CSMD1: variants seen among roughly 807,000 people sequenced by gnomAD.
CSMD1 encodes CUB and sushi domain-containing protein 1.
A neutral mutation model predicts 417.5 loss-of-function variants in CSMD1; 213 were observed. The observed-to-expected ratio is 0.51, with a 90% CI of 0.46 to 0.57. The LOEUF (loss-of-function observed/expected upper bound fraction) is 0.57. Ranked by LOEUF, CSMD1 falls within the 20% of genes least tolerant of loss-of-function variation. The pLI, the probability that CSMD1 is intolerant of heterozygous loss-of-function variation, is 0.00. For synonymous variants in CSMD1, 2,862 were observed against 1,736.8 expected (o/e 1.65, Z -16.11); for missense variants, 6,923 against 4,529.7 (o/e 1.53, Z -15.17).
chr8:4,549,826 G>C (rs1386384127), intron 2 of CSMD1, among the ~76,000 whole-genome samples: 1 of 148,084 alleles, frequency 6.8e-6, no homozygotes, highest in Non-Finnish European at 1.5e-5. Flanking sequence ...CAGCCCAGGA[G>C]GCAGAGGTTG....
chr8:3,214,922 C>G (rs1797801390), intron 29 of CSMD1, among the ~76,000 whole-genome samples: 1 of 152,136 alleles, frequency 6.6e-6, no homozygotes, highest in Non-Finnish European at 1.5e-5. Context: ...TTAAAAACCA[C>G]ATTTTGCTAC....
intron 3 of CSMD1, among the ~76,000 whole-genome samples, chr8:4,253,707 G>C (rs1322426499): frequency 6.6e-6 from 1 of 151,214 alleles, no homozygotes; most frequent in Non-Finnish European, 1.5e-5. Context: ...TGCCAACTAA[G>C]TAATGCTTAA....
chr8:4,036,463 G>C (rs954198805), intron 3 of CSMD1, among the ~76,000 whole-genome samples: 6 of 152,100 alleles, frequency 3.9e-5, no homozygotes, highest in African/African-American at 9.7e-5. Context: ...CCCCAAGAAG[G>C]TGTCTGAAAA....
chr8:3,167,234 G>A (rs947841999), intron 37 of CSMD1, among the ~76,000 whole-genome samples: 19 of 146,740 alleles, frequency 1.3e-4, no homozygotes, highest in African/African-American at 4.3e-4. Context: ...GCAGTGAGCC[G>A]AGATCGCACA....
At chr8:4,888,738 G>C (rs989485917) in intron 1 of CSMD1, among the ~76,000 whole-genome samples, 31 of 152,036 alleles carry the variant, frequency 2.0e-4, no homozygotes, top group African/African-American at 6.5e-4. Context: ...GGCCAAGCCT[G>C]GGATATGTGT....
chr8:3,217,148 G>C (rs1158698312), intron 29 of CSMD1, among the ~76,000 whole-genome samples: 3 of 152,060 alleles, frequency 2.0e-5, no homozygotes, highest in African/African-American at 7.2e-5. Context: ...GGAAGAAATG[G>C]CATCATTTTT....
chr8:3,127,703 A>G (rs1817580441), intron 41 of CSMD1: 1 of 152,170 alleles, frequency 6.6e-6, no homozygotes, highest in Admixed American at 6.6e-5. Flanking sequence ...AATAAAAGAC[A>G]TTTTTACTTG....
At chr8:2,942,380 A>G in intron 69 of CSMD1, 92 bp downstream of exon 69, 1 of 1,083,534 alleles carries the variant, frequency 9.2e-7, no homozygotes, top group Non-Finnish European at 1.3e-6. Flanking sequence ...AATATAAAAT[A>G]CATGTGCATG....
At chr8:3,075,558 G>C (rs148713432) in intron 49 of CSMD1, among the ~76,000 whole-genome samples, 1 of 151,912 alleles carries the variant, frequency 6.6e-6, no homozygotes, top group African/African-American at 2.4e-5. Context: ...TGGGATGACA[G>C]GCATGGACCA....
At chr8:3,335,842 G>C (rs764246709) in intron 23 of CSMD1, among the ~76,000 whole-genome samples, 2 of 152,160 alleles carry the variant, frequency 1.3e-5, no homozygotes, top group African/African-American at 2.4e-5. Context: ...TGCCAGGGTG[G>C]AGACTGGGCT....
At chr8:4,798,214 C>G (rs182204978) in intron 1 of CSMD1, among the ~76,000 whole-genome samples, 5 of 152,178 alleles carry the variant, frequency 3.3e-5, no homozygotes, top group African/African-American at 1.2e-4. Flanking sequence ...TTCTTGTGTC[C>G]AAGTGTTCTC....
intron 18 of CSMD1, among the ~76,000 whole-genome samples, chr8:3,374,035 C>T (rs1810149928): frequency 6.6e-6 from 1 of 151,044 alleles, no homozygotes; most frequent in Non-Finnish European, 1.5e-5. Context: ...TCACTGCAAC[C>T]TCTGCCTCCC....
chr8:3,693,809 T>G (rs538691989), intron 7 of CSMD1, among the ~76,000 whole-genome samples: 18 of 151,006 alleles, frequency 1.2e-4, no homozygotes, highest in Non-Finnish European at 2.4e-4. Flanking sequence ...TGTGTGTGTG[T>G]GTTGTGTTTG....
intron 1 of CSMD1, among the ~76,000 whole-genome samples, chr8:4,857,415 T>G (rs527693177): frequency 2.0e-5 from 3 of 151,442 alleles, no homozygotes; most frequent in African/African-American, 7.3e-5. Context: ...ATAACTAAAA[T>G]CAGAACAGAA....
At chr8:4,395,282 A>T (rs1247831062) in intron 3 of CSMD1, among the ~76,000 whole-genome samples, 2 of 152,204 alleles carry the variant, frequency 1.3e-5, no homozygotes, top group Non-Finnish European at 2.9e-5. Flanking sequence ...TACCACAAAG[A>T]AGGGCTTTTG....
intron 5 of CSMD1, among the ~76,000 whole-genome samples, chr8:3,757,428 T>G (rs1325299246): frequency 6.6e-6 from 1 of 152,164 alleles, no homozygotes; most frequent in African/African-American, 2.4e-5. Flanking sequence ...TTTTATACAA[T>G]TTTTTTGTGT....
At chr8:4,009,592 A>G (rs192595244) in intron 4 of CSMD1, among the ~76,000 whole-genome samples, 2 of 152,312 alleles carry the variant, frequency 1.3e-5, no homozygotes, top group East Asian at 3.9e-4. Flanking sequence ...TTCCAACTCA[A>G]TTTTTACAAT....
chr8:3,779,699 A>C (rs371417890), intron 5 of CSMD1, among the ~76,000 whole-genome samples: 1 of 152,072 alleles, frequency 6.6e-6, no homozygotes, highest in Admixed American at 6.6e-5. Context: ...ATACAACACT[A>C]TCTAGCGCAT....
intron 5 of CSMD1, among the ~76,000 whole-genome samples, chr8:3,782,449 T>C (rs1799232971): frequency 6.6e-6 from 1 of 152,160 alleles, no homozygotes; most frequent in Non-Finnish European, 1.5e-5. Flanking sequence ...AGGACAGCAG[T>C]AATGACGCAT....
Sources: gnomAD v4.1 joint callset for allele counts (sites outside exome capture counted in the v4.1 genomes callset) on GRCh38, gnomAD v4.1.1 for gene constraint, MANE v1.5 for transcripts, NCBI Gene and HGNC (gene_info 2026-07-23, HGNC 2026-07-21) for gene names.